The following CNGB3 variants were observed in gnomAD, a reference collection of about 807,000 sequenced individuals.
CNGB3 encodes the protein cyclic nucleotide-gated channel beta-3.
Under a neutral mutation model 92.8 loss-of-function variants are expected in CNGB3, and 86 were observed. That is an observed-to-expected ratio of 0.93 (90% CI 0.78 to 1.11). The LOEUF (loss-of-function observed/expected upper bound fraction) is 1.11, where lower values mean the gene tolerates loss of function less well. Ranked by LOEUF, CNGB3 falls within the 50% of genes least tolerant of loss-of-function variation. CNGB3 has a pLI of 0.00. For missense variants in CNGB3, 1,026 were observed against 956.8 expected (o/e 1.07, Z -0.95); for synonymous variants, 333 against 332.7 (o/e 1.00, Z -0.01).
intron 8 of CNGB3, among the ~76,000 whole-genome samples, chr8:86,647,427 T>G (rs1823310216): frequency 6.6e-6 from 1 of 150,764 alleles, no homozygotes; most frequent in Non-Finnish European, 1.5e-5. Context: ...CCTAACCCCT[T>G]AATTTTACAT....
At chr8:86,605,333 A>T (rs1428792634) in intron 14 of CNGB3, among the ~76,000 whole-genome samples, 1 of 152,166 alleles carries the variant, frequency 6.6e-6, no homozygotes, top group Non-Finnish European at 1.5e-5. Context: ...AGAGACCTAA[A>T]TGGCACTTAG....
intron 10 of CNGB3, among the ~76,000 whole-genome samples, chr8:86,642,619 C>CT (rs140551082): frequency 3.3e-5 from 5 of 151,580 alleles, no homozygotes; most frequent in Non-Finnish European, 5.9e-5. Context: ...CTGGGACCTG[C>CT]TTTTTTTCCA....
intron 6 of CNGB3, among the ~76,000 whole-genome samples, chr8:86,663,805 A>G (rs1823690039): frequency 6.6e-6 from 1 of 152,198 alleles, no homozygotes; most frequent in South Asian, 2.1e-4. Context: ...AAACAAAGCA[A>G]TTATTTCCTG....
At chr8:86,589,160 T>C (rs1821965811) in intron 15 of CNGB3, among the ~76,000 whole-genome samples, 2 of 149,956 alleles carry the variant, frequency 1.3e-5, no homozygotes, top group Admixed American at 1.3e-4. Flanking sequence ...TGGTAGTTTG[T>C]ATTTCTGTGG....
intron 13 of CNGB3, among the ~76,000 whole-genome samples, chr8:86,612,443 T>C (rs1822540321): frequency 1.3e-5 from 2 of 152,242 alleles, no homozygotes; most frequent in South Asian, 4.1e-4. Context: ...ATGTAACAGC[T>C]TTCCTCTTGT....
At position 86,739,808 on chromosome 8, in the gene CNGB3, C is replaced by A. The variant is rs77644889; in HGVS notation, c.130-72G>T. 3.1e-3 allele frequency: 4,636 copies of A among 1,485,126 alleles called. 128 individuals carry two copies. In the African/African-American group the frequency reaches 0.057, roughly 18 times the overall value. The allele number at this position is 1,485,126 out of a possible 1,614,324, so 92.0% of individuals were successfully genotyped here. A position where few individuals can be genotyped will look rare whatever the true frequency, so the allele number is the denominator to read the frequency against. ...ATGAAGTTGAATGTAAAACATAACA[C>A]CATTTTCCACTTAATTGTCAATCAG... is the stretch of plus-strand genomic sequence containing the variant. On this transcript the variant is annotated intron_variant, in intron 1 of 17. Coordinates refer to ENST00000320005, the MANE Select transcript of CNGB3 (RefSeq NM_019098.5).
At chr8:86,608,781 G>C (rs1157090663) in intron 14 of CNGB3, among the ~76,000 whole-genome samples, 10 of 152,218 alleles carry the variant, frequency 6.6e-5, no homozygotes, top group Admixed American at 6.5e-4. Flanking sequence ...CCTGTCCAGT[G>C]GACATGTGAC....
At position 86,644,657 on chromosome 8, in the gene CNGB3, GTGA is replaced by G. The variant is rs1335912914; in HGVS notation, c.1017_1019del (p.His340del). The G allele has an allele frequency of 1.3e-6, 2 of 1,592,312 alleles. No homozygotes were observed. Among genetic ancestry groups the G allele is most frequent in the South Asian group, 2.3e-5 (2 of 88,772 alleles). On this transcript the variant is annotated inframe_deletion, in exon 9 of 18. Coordinates refer to ENST00000320005, the MANE Select transcript of CNGB3 (RefSeq NM_019098.5). ...ATGCTTTGTCCATTATAGACTCTAG[GTGA>G]TGATTAAATTCAAAAAATGAAGTGT... is the stretch of plus-strand genomic sequence containing the variant.
intron 3 of CNGB3, among the ~76,000 whole-genome samples, chr8:86,709,872 A>G (rs1824720127): frequency 6.6e-6 from 1 of 152,174 alleles, no homozygotes; most frequent in African/African-American, 2.4e-5. Flanking sequence ...AAATATGTAT[A>G]TGTTTTCACT....
rs112590175 is a variant in CNGB3 at position 86,657,948 on chromosome 8, C to T, written c.853-3886G>A. Reference sequence around the variant, plus strand: ...CCCCCTGCCATGCCCTGGCCTCCCCCTCACTGATGACGTCTGTCTCTCCAG... The same window carrying T: ...CCCCCTGCCATGCCCTGGCCTCCCCTTCACTGATGACGTCTGTCTCTCCAG... On this transcript the variant is annotated intron_variant, in intron 6 of 17. Transcript: ENST00000320005. 1.1e-3 allele frequency: 612 copies of T among 553,024 alleles called. 3 individuals carry two copies. The highest frequency in any genetic ancestry group is 0.01 in the African/African-American group (540 of 52,842). 34.3% of individuals were successfully genotyped at this position (553,024 alleles called of 1,614,324 possible). A position where few individuals can be genotyped will look rare whatever the true frequency, so the allele number is the denominator to read the frequency against.
At chr8:86,596,494 G>A (rs184805818) in intron 15 of CNGB3, among the ~76,000 whole-genome samples, 285 of 152,258 alleles carry the variant, frequency 1.9e-3, no homozygotes, top group African/African-American at 6.4e-3. Context: ...GGCTGAATAT[G>A]CATATTCACG....
At chr8:86,701,684 C>T (rs1363022439) in intron 3 of CNGB3, among the ~76,000 whole-genome samples, 3 of 152,128 alleles carry the variant, frequency 2.0e-5, no homozygotes, top group African/African-American at 7.2e-5. Flanking sequence ...TAAAACATAG[C>T]TCTCTTACTG....
intron 3 of CNGB3, among the ~76,000 whole-genome samples, chr8:86,705,188 T>A (rs78049750): frequency 0.019 from 2,947 of 152,270 alleles, 42 homozygotes; most frequent in South Asian, 0.028. Context: ...TGAATTCTCA[T>A]ATGTATTTCT....
chr8:86,650,101 G>C (rs1823371618), intron 7 of CNGB3, among the ~76,000 whole-genome samples: 1 of 151,418 alleles, frequency 6.6e-6, no homozygotes, highest in Non-Finnish European at 1.5e-5. Flanking sequence ...TACTCTACAG[G>C]TATTGATCTT....
chr8:86,658,407 T>C (rs1042506573), intron 6 of CNGB3: 3 of 427,222 alleles, frequency 7.0e-6, no homozygotes, highest in Non-Finnish European at 1.3e-5. Context: ...CTGTGGCTGC[T>C]ACTTCTGCTG....
At chr8:86,731,091 T>G (rs1825147435) in intron 2 of CNGB3, among the ~76,000 whole-genome samples, 1 of 152,214 alleles carries the variant, frequency 6.6e-6, no homozygotes, top group Non-Finnish European at 1.5e-5. Context: ...AGAAATGCTA[T>G]TACATAGAAA....
chr8:86,705,898 C>T (rs1824643711), intron 3 of CNGB3, among the ~76,000 whole-genome samples: 1 of 152,172 alleles, frequency 6.6e-6, no homozygotes, highest in Admixed American at 6.5e-5. Context: ...ACCAGATGCT[C>T]ATTTGAAGAA....
chr8:86,588,520 C>A (rs963850328), intron 15 of CNGB3, among the ~76,000 whole-genome samples: 3 of 150,690 alleles, frequency 2.0e-5, no homozygotes, highest in Admixed American at 6.6e-5. Context: ...CCCATCAATA[C>A]CTAATTTATT....
At chr8:86,580,203 G>C (rs1020057352) in intron 15 of CNGB3, among the ~76,000 whole-genome samples, 2 of 149,434 alleles carry the variant, frequency 1.3e-5, no homozygotes, top group East Asian at 2.0e-4. Context: ...GGGGGGTGGC[G>C]GGGGGAACTG....
Sources: gnomAD v4.1 joint callset for allele counts (sites outside exome capture counted in the v4.1 genomes callset) on GRCh38, gnomAD v4.1.1 for gene constraint, MANE v1.5 for transcripts, NCBI Gene and HGNC (gene_info 2026-07-23, HGNC 2026-07-21) for gene names.